The following AKR1C2 variants were observed in gnomAD, a reference collection of about 807,000 sequenced individuals.
AKR1C2 encodes aldo-keto reductase family 1 member C2.
In AKR1C2, 27 loss-of-function variants were observed where a neutral mutation model predicts 39.8. That is an observed-to-expected ratio of 0.68 (90% CI 0.50 to 0.93). The LOEUF (loss-of-function observed/expected upper bound fraction) is 0.93. AKR1C2 is among the 40% of genes least tolerant of loss of function. The pLI, the probability that AKR1C2 is intolerant of heterozygous loss-of-function variation, is 0.00. For synonymous variants in AKR1C2, 114 were observed against 137.9 expected, an observed-to-expected ratio of 0.83 and a Z score of 1.22; for missense variants, 263 against 365.1, an observed-to-expected ratio of 0.72 and a Z score of 2.28.
At chr10:5,017,941 T>G (rs1837675215) in exon 1 of AKR1C2, 1 of 152,362 alleles carries the variant, frequency 6.6e-6, no homozygotes, top group Admixed American at 6.6e-5. Context: ...ATGTCTTCAC[T>G]TGGCTGGCAG....
chr10:5,010,198 A>T (rs1837488914), intron 1 of AKR1C2: 1 of 150,092 alleles, frequency 6.7e-6, no homozygotes, highest in Non-Finnish European at 1.5e-5. Flanking sequence ...AGACACTACC[A>T]TGGAGCCAGA....
intron 1 of AKR1C2, among the ~76,000 whole-genome samples, 172 bp downstream of exon 1, chr10:5,003,580 G>A (rs1209809008): frequency 1.3e-5 from 2 of 151,830 alleles, no homozygotes; most frequent in African/African-American, 4.8e-5. Context: ...AGACAAAACA[G>A]TGCCACAAAT....
At chr10:5,003,940 G>A (rs1837346963), upstream of AKR1C2, 1 of 769,712 alleles carries the variant, frequency 1.3e-6, no homozygotes, top group Non-Finnish European at 2.2e-6. Context: ...TTAACCAATG[G>A]CATGTGAGAG....
In AKR1C2 at chr10:4,995,866, C is replaced by T. The variant is rs1170884123; in HGVS notation, c.571-1G>A. 6.2e-7 allele frequency: 1 copy of T among 1,610,860 alleles called. No homozygotes were observed. Among genetic ancestry groups the T allele is most frequent in the South Asian group, 1.1e-5 (1 of 90,460 alleles). On this transcript the variant is annotated splice_acceptor_variant, in intron 5 of 8. Transcript: ENST00000380753. LOFTEE classifies it high-confidence loss of function. ...GGTTGAAGTAAGGATGACATTCCAC[C>T]TGCAGACGAGCAAGATGGAAAAGCA...
chr10:5,008,180 A>T (rs11252881), upstream of AKR1C2, among the ~76,000 whole-genome samples: 89,177 of 148,984 alleles, frequency 0.6, 27,248 homozygotes, highest in African/African-American at 0.68. Context: ...TTTGCTACAC[A>T]GTGCACCCAT....
At chr10:4,997,545 G>C (rs1273116650) in intron 5 of AKR1C2, among the ~76,000 whole-genome samples, 3 of 151,780 alleles carry the variant, frequency 2.0e-5, no homozygotes, top group Non-Finnish European at 2.9e-5. Context: ...TATTTATGCA[G>C]ATATACTCCA....
chr10:5,012,746 A>G (rs1169195374), intron 1 of AKR1C2, among the ~76,000 whole-genome samples: 3 of 152,204 alleles, frequency 2.0e-5, no homozygotes, highest in African/African-American at 7.2e-5. Context: ...CATTTGTGAT[A>G]ATTTTTTACT....
At chr10:4,998,485 A>G (rs2131693064) in intron 5 of AKR1C2, 140 bp downstream of exon 5, 1 of 1,488,486 alleles carries the variant, frequency 6.7e-7, no homozygotes, top group Non-Finnish European at 9.0e-7. Flanking sequence ...AGAGGACTCC[A>G]TGCCCTTCTA....
chr10:4,992,753 A>C (rs1554772396), intron 7 of AKR1C2, among the ~76,000 whole-genome samples: 1 of 152,156 alleles, frequency 6.6e-6, no homozygotes, highest in Admixed American at 6.5e-5. Flanking sequence ...GAGTTAGAGA[A>C]CAGCCTGGGC....
intron 5 of AKR1C2, among the ~76,000 whole-genome samples, chr10:4,996,534 AT>A (rs1406653941): frequency 2.9e-5 from 4 of 136,446 alleles, no homozygotes; most frequent in African/African-American, 1.0e-4. Context: ...TTTCATATAT[AT>A]TATATATATA....
chr10:4,999,028 C>G (rs1837164261), intron 4 of AKR1C2, among the ~76,000 whole-genome samples, 172 bp downstream of exon 4: 1 of 152,186 alleles, frequency 6.6e-6, no homozygotes, highest in Non-Finnish European at 1.5e-5. Context: ...CTCCACTTCT[C>G]TCTTTTGTAT....
chr10:4,990,409 G>C (rs1836795967), intron 8 of AKR1C2, among the ~76,000 whole-genome samples: 1 of 152,108 alleles, frequency 6.6e-6, no homozygotes, highest in Admixed American at 6.5e-5. Flanking sequence ...ACATTGAAGA[G>C]GAATAAGGAA....
chr10:5,006,864 T>C (rs1554774455), upstream of AKR1C2, among the ~76,000 whole-genome samples: 1 of 151,756 alleles, frequency 6.6e-6, no homozygotes, highest in African/African-American at 2.4e-5. Flanking sequence ...AATCTCTTTC[T>C]CCCGGTTCAA....
rs567758947 is a variant in AKR1C2 at position 4,995,704 on chromosome 10, A to T, written c.680+52T>A. The T allele has an allele frequency of 3.7e-5, 56 of 1,520,792 alleles. 1 individual carries two copies. In the African/African-American group the frequency reaches 4.8e-4, roughly 13 times the overall value. The allele number at this position is 1,520,792 out of a possible 1,614,324, so 94.2% of individuals were successfully genotyped here. A position where few individuals can be genotyped will look rare whatever the true frequency, so the allele number is the denominator to read the frequency against. The stretch of plus-strand genomic sequence containing the variant: ...CCAGGAAACAGCATGATCTGATTAA[A>T]TTTTTTTTATCAAACCAGTGTTTTA... On this transcript the variant is annotated intron_variant, in intron 6 of 8. Transcript: ENST00000380753.
At position 4,989,616 on chromosome 10, in the gene AKR1C2, C is replaced by T. The variant is rs1836767731; in HGVS notation, c.*380G>A. On this transcript the variant is annotated 3_prime_UTR_variant, in exon 9 of 9. Transcript: ENST00000380753. ...ATAAATACCTGTCACCTGCCCCTTT[C>T]CCAGAGGGTGAAACTCCACCCACTC... 3.4e-5 allele frequency: 8 copies of T among 237,138 alleles called. No homozygotes were observed. Among genetic ancestry groups the T allele is most frequent in the Non-Finnish European group, 1.6e-5 (2 of 123,334 alleles). The allele number at this position is 237,138 out of a possible 1,614,324, so 14.7% of individuals were successfully genotyped here. A position where few individuals can be genotyped will look rare whatever the true frequency, so the allele number is the denominator to read the frequency against.
chr10:4,998,770 T>C (rs781925388), intron 4 of AKR1C2, 23 bp from the exon 5 acceptor site: 7 of 1,613,648 alleles, frequency 4.3e-6, no homozygotes, highest in Non-Finnish European at 5.9e-6. Flanking sequence ...AATTGTGAGG[T>C]ATCATTTGTG....
rs183185753 is a variant in AKR1C2 at position 4,994,444 on chromosome 10, C to G, written c.846+875G>C. Among the ~76,000 whole-genome samples, 62 of 152,170 alleles carry G rather than the reference C, an allele frequency of 4.1e-4. No individual in the cohort carries two copies. The East Asian group carries it at 0.011, about 28-fold the overall frequency. On this transcript the variant is annotated intron_variant, in intron 7 of 8. Transcript: ENST00000380753. ...AAGAGGTGGTGTGTGTTTCCCCACC[C>G]CTTGAGTCTGACCTGTCCTGTAACT...
chr10:4,995,479 TCCACC>T lies in AKR1C2; in HGVS notation c.681_685del (p.Trp227Ter), dbSNP rs1836998083. On this transcript the variant is annotated stop_gained and frameshift_variant and splice_region_variant, in exon 7 of 9. Coordinates refer to ENST00000380753, the MANE Select transcript of AKR1C2 (RefSeq NM_001393392.1). LOFTEE classifies it high-confidence loss of function. Reference sequence around the variant, plus strand: ...CTCCAAGAGCACCGGGGAGTTCGGGTCCACCCTGGAAGGAAAGGCAGAAAGGCTGA... The same window carrying T: ...CTCCAAGAGCACCGGGGAGTTCGGGTCTGGAAGGAAAGGCAGAAAGGCTGA... The T allele has an allele frequency of 6.6e-7, 1 of 1,520,158 alleles. No homozygotes were observed. The highest frequency in any genetic ancestry group is 8.8e-7 in the Non-Finnish European group (1 of 1,139,454). 94.2% of individuals were successfully genotyped at this position (1,520,158 alleles called of 1,614,324 possible). A position where few individuals can be genotyped will look rare whatever the true frequency, so the allele number is the denominator to read the frequency against.
chr10:5,012,464 A>T (rs377091437), intron 1 of AKR1C2, among the ~76,000 whole-genome samples: 3 of 151,412 alleles, frequency 2.0e-5, no homozygotes, highest in Non-Finnish European at 4.4e-5. Context: ...AGTGGCACCC[A>T]GGAGGGCCAC....
Sources: gnomAD v4.1 joint callset for allele counts (sites outside exome capture counted in the v4.1 genomes callset) on GRCh38, gnomAD v4.1.1 for gene constraint, MANE v1.5 for transcripts, NCBI Gene and HGNC (gene_info 2026-07-23, HGNC 2026-07-21) for gene names.